The following MIB1 variants were observed in gnomAD, a reference collection of about 807,000 sequenced individuals.
MIB1 encodes MIB E3 ubiquitin protein ligase 1.
A neutral mutation model predicts 124.5 loss-of-function variants in MIB1; 278 were observed. The observed-to-expected ratio is 2.23, with a 90% CI of 2.02 to 2.47. MIB1 has a LOEUF of 2.47. MIB1 is among the 30% of genes most tolerant of loss of function. The probability of loss-of-function intolerance (pLI) is 0.00; values close to 1 mark genes in which losing one functional copy is unlikely to be tolerated. For synonymous variants in MIB1, 446 were observed against 429.4 expected, an observed-to-expected ratio of 1.04 and a Z score of -0.48; for missense variants, 957 against 1,254.4, an observed-to-expected ratio of 0.76 and a Z score of 3.58.
chr18:21,773,294 T>C (rs2041242863), intron 3 of MIB1, among the ~76,000 whole-genome samples: 1 of 152,126 alleles, frequency 6.6e-6, no homozygotes, highest in African/African-American at 2.4e-5. Context: ...CAAAAAACTG[T>C]TCTTAAAGGA....
intron 6 of MIB1, among the ~76,000 whole-genome samples, chr18:21,787,707 C>T (rs1263647944): frequency 6.6e-6 from 1 of 150,504 alleles, no homozygotes; most frequent in East Asian, 2.0e-4. Flanking sequence ...ATCATTTCAG[C>T]TTCAGACTTG....
intron 13 of MIB1, 24 bp downstream of exon 13, chr18:21,838,521 C>A: frequency 1.3e-6 from 2 of 1,535,502 alleles, no homozygotes; most frequent in Non-Finnish European, 1.7e-6. Flanking sequence ...TAAATAATTC[C>A]CTCTTTTTTA....
chr18:21,814,683 C>T (rs1055865520), intron 10 of MIB1, among the ~76,000 whole-genome samples: 1 of 151,936 alleles, frequency 6.6e-6, no homozygotes, highest in African/African-American at 2.4e-5. Flanking sequence ...AAGCAGTTCT[C>T]CTCCCTCAGC....
intron 6 of MIB1, among the ~76,000 whole-genome samples, chr18:21,788,967 C>G (rs1345944142): frequency 6.6e-6 from 1 of 152,156 alleles, no homozygotes; most frequent in Non-Finnish European, 1.5e-5. Flanking sequence ...TTAAAGAAGA[C>G]CTAAATAAAT....
intron 10 of MIB1, among the ~76,000 whole-genome samples, chr18:21,805,757 A>G (rs1428016939): frequency 6.6e-6 from 1 of 152,068 alleles, no homozygotes; most frequent in African/African-American, 2.4e-5. Flanking sequence ...GAATTTAATC[A>G]CCAACCTGGC....
chr18:21,740,548 A>T (rs1218890954), upstream of MIB1, among the ~76,000 whole-genome samples: 2 of 152,268 alleles, frequency 1.3e-5, no homozygotes, highest in Admixed American at 1.3e-4. Flanking sequence ...GAAAACTAGC[A>T]GTTAGTGAAA....
chr18:21,862,959 C>T (rs538657464), intron 20 of MIB1, among the ~76,000 whole-genome samples: 13 of 152,236 alleles, frequency 8.5e-5, no homozygotes, highest in South Asian at 2.1e-4. Flanking sequence ...TTTCCTATTA[C>T]GTTTTGGTTT....
intron 1 of MIB1, among the ~76,000 whole-genome samples, chr18:21,731,145 T>C (rs1428146559): frequency 6.6e-6 from 1 of 152,230 alleles, no homozygotes; most frequent in East Asian, 1.9e-4. Flanking sequence ...ACACTTATCC[T>C]TCTGAATTGT....
chr18:21,834,153 C>T (rs1004512738), intron 12 of MIB1, among the ~76,000 whole-genome samples: 2 of 152,184 alleles, frequency 1.3e-5, no homozygotes, highest in African/African-American at 4.8e-5. Flanking sequence ...CTAAGATTGC[C>T]TGCCTCATGG....
At chr18:21,711,529 C>T (rs1016713312) in intron 1 of MIB1, among the ~76,000 whole-genome samples, 2 of 151,576 alleles carry the variant, frequency 1.3e-5, no homozygotes, top group African/African-American at 4.9e-5. Flanking sequence ...ATCATGCGCC[C>T]ACCTCGACCT....
intron 8 of MIB1, among the ~76,000 whole-genome samples, chr18:21,799,062 A>C (rs1346573041): frequency 6.6e-6 from 1 of 152,074 alleles, no homozygotes; most frequent in African/African-American, 2.4e-5. Context: ...GGTTGACTAC[A>C]TACAAAGTAA....
intron 10 of MIB1, among the ~76,000 whole-genome samples, chr18:21,804,760 T>G (rs138917686): frequency 6.6e-6 from 1 of 152,302 alleles, no homozygotes; most frequent in African/African-American, 2.4e-5. Context: ...CATCTGTGAG[T>G]GCTTAATGAG....
chr18:21,846,044 T>A (rs1173308095), intron 15 of MIB1, among the ~76,000 whole-genome samples: 2 of 152,246 alleles, frequency 1.3e-5, no homozygotes, highest in Admixed American at 6.5e-5. Flanking sequence ...TTTTTAGCTA[T>A]TTGATACCAG....
At chr18:21,815,205 G>A (rs575686816) in intron 10 of MIB1, among the ~76,000 whole-genome samples, 13 of 151,424 alleles carry the variant, frequency 8.6e-5, no homozygotes, top group African/African-American at 2.9e-4. Flanking sequence ...GTCTCACTCT[G>A]TTGCCCCGGT....
chr18:21,837,529 A>G (rs148613028), intron 12 of MIB1, among the ~76,000 whole-genome samples: 7 of 152,228 alleles, frequency 4.6e-5, no homozygotes, highest in Non-Finnish European at 1.0e-4. Flanking sequence ...CAGACAAACA[A>G]AAGTCTAATA....
chr18:21,730,283 T>G (rs1449563860), intron 1 of MIB1, among the ~76,000 whole-genome samples: 2 of 152,172 alleles, frequency 1.3e-5, no homozygotes, highest in Non-Finnish European at 1.5e-5. Context: ...AAATTAACAC[T>G]GGGCTGGGCG....
intron 17 of MIB1, among the ~76,000 whole-genome samples, chr18:21,852,523 G>C (rs1257044151): frequency 6.6e-6 from 1 of 152,148 alleles, no homozygotes; most frequent in Non-Finnish European, 1.5e-5. Flanking sequence ...CAGATTAAGT[G>C]GACATGAAGA....
intron 12 of MIB1, chr18:21,830,924 G>C (rs970248434): frequency 6.6e-6 from 1 of 151,808 alleles, no homozygotes; most frequent in Non-Finnish European, 1.5e-5. Flanking sequence ...CTCTAAAATT[G>C]AATCAGTGTT....
rs570496389 is a variant in MIB1 at position 21,807,801 on chromosome 18, G to A, written c.1479+3787G>A. 5.9e-5 allele frequency among the ~76,000 whole-genome samples: 9 copies of A among 152,264 alleles called. No homozygotes were observed. In the East Asian group the frequency reaches 1.5e-3, roughly 26 times the overall value. On this transcript the variant is annotated intron_variant, in intron 10 of 20. Coordinates refer to ENST00000261537, the MANE Select transcript of MIB1 (RefSeq NM_020774.4). Reference sequence around the variant, plus strand: ...TAGATTTGTCATTCATAATTTGCCAGCCTGTTTATAAAGTGATTTGTTTTT... The same window carrying A: ...TAGATTTGTCATTCATAATTTGCCAACCTGTTTATAAAGTGATTTGTTTTT...
Sources: gnomAD v4.1 joint callset for allele counts (sites outside exome capture counted in the v4.1 genomes callset) on GRCh38, gnomAD v4.1.1 for gene constraint, MANE v1.5 for transcripts, NCBI Gene and HGNC (gene_info 2026-07-23, HGNC 2026-07-21) for gene names.